The following CCDC3 variants were observed in gnomAD, a reference collection of about 807,000 sequenced individuals.
CCDC3 encodes coiled-coil domain containing 3, also known as coiled-coil domain-containing protein 3.
CCDC3 carries 24 observed loss-of-function variants against 21.4 expected under a neutral mutation model. That is an observed-to-expected ratio of 1.12 (90% CI 0.81 to 1.58). The LOEUF (loss-of-function observed/expected upper bound fraction) is 1.58, where lower values mean the gene tolerates loss of function less well. Among genes scored for constraint, CCDC3 ranks in the 40% most tolerant of loss-of-function variants. The pLI is 0.00. For synonymous variants in CCDC3, 186 were observed against 166.0 expected (o/e 1.12, Z -0.93); for missense variants, 425 against 360.9 (o/e 1.18, Z -1.44).
intron 5 of CCDC3, among the ~76,000 whole-genome samples, chr10:13,019,655 A>G (rs1463423212): frequency 2.0e-5 from 3 of 152,180 alleles, no homozygotes; most frequent in African/African-American, 7.2e-5. Flanking sequence ...ACCCCACATG[A>G]CTCATGATAA....
At chr10:13,080,502 T>C (rs1837025570) in intron 3 of CCDC3, among the ~76,000 whole-genome samples, 3 of 152,184 alleles carry the variant, frequency 2.0e-5, no homozygotes, top group Admixed American at 1.3e-4. Flanking sequence ...AATATACTTT[T>C]AGTAAAAGGA....
chr10:12,987,472 T>C lies in CCDC3; in HGVS notation c.549+10866A>G, dbSNP rs1472025873. 2.6e-5 allele frequency among the ~76,000 whole-genome samples: 4 copies of C among 152,316 alleles called. No individual in the cohort carries two copies. The East Asian group carries it at 5.8e-4, about 22-fold the overall frequency. Reference sequence around the variant, plus strand: ...TTTTTTTAAATTATCATTACAGTGATATGGATAAACCACAGTAGGTATATT... The same window carrying C: ...TTTTTTTAAATTATCATTACAGTGACATGGATAAACCACAGTAGGTATATT... On this transcript the variant is annotated intron_variant, in intron 2 of 2. Transcript: ENST00000378825.
chr10:13,061,657 A>G (rs694634), intron 4 of CCDC3, among the ~76,000 whole-genome samples: 86,881 of 152,022 alleles, frequency 0.57, 25,461 homozygotes, highest in African/African-American at 0.7. Flanking sequence ...GGGACAATTC[A>G]AAAGGAATGG....
At chr10:12,903,242 T>C (rs1834120780) in intron 2 of CCDC3, among the ~76,000 whole-genome samples, 1 of 152,208 alleles carries the variant, frequency 6.6e-6, no homozygotes, top group Non-Finnish European at 1.5e-5. Flanking sequence ...AAGCCACTGC[T>C]GATGGAGCCG....
At chr10:13,024,226 G>GT (rs201930276) in intron 5 of CCDC3, among the ~76,000 whole-genome samples, 10,691 of 147,966 alleles carry the variant, frequency 0.072, 389 homozygotes, top group Middle Eastern at 0.11. Context: ...TCTTTCCTTA[G>GT]TTTTTTTTTT....
chr10:12,956,554 C>G (rs1266986233), intron 2 of CCDC3, among the ~76,000 whole-genome samples: 2 of 152,170 alleles, frequency 1.3e-5, no homozygotes, highest in Non-Finnish European at 2.9e-5. Flanking sequence ...TGAGTCTAGA[C>G]TATATGATAA....
At chr10:13,025,541 T>C (rs555759135) in intron 5 of CCDC3, among the ~76,000 whole-genome samples, 8 of 152,350 alleles carry the variant, frequency 5.3e-5, no homozygotes, top group African/African-American at 1.4e-4. Flanking sequence ...TATAAAAGAA[T>C]CTTGTTAAAT....
chr10:12,963,479 A>G (rs1488693889), intron 2 of CCDC3, among the ~76,000 whole-genome samples: 7 of 151,754 alleles, frequency 4.6e-5, no homozygotes, highest in Non-Finnish European at 8.8e-5. Flanking sequence ...ACATTAAATC[A>G]TATGTTCTAT....
intron 2 of CCDC3, among the ~76,000 whole-genome samples, chr10:12,907,436 G>A (rs1388134973): frequency 1.3e-5 from 2 of 152,148 alleles, no homozygotes; most frequent in East Asian, 3.9e-4. Context: ...CTTGAGGTCA[G>A]GAGTTTGAGA....
chr10:12,937,710 A>G (rs919296988), intron 2 of CCDC3, among the ~76,000 whole-genome samples: 5 of 152,238 alleles, frequency 3.3e-5, no homozygotes, highest in African/African-American at 4.8e-5. Context: ...TGTGTGACTC[A>G]GAATAAGCTC....
At chr10:13,005,312 G>A (rs545210765), upstream of CCDC3, among the ~76,000 whole-genome samples, 3 of 152,336 alleles carry the variant, frequency 2.0e-5, no homozygotes, top group Non-Finnish European at 2.9e-5. Flanking sequence ...GAGTGGAAGA[G>A]GCAACGTACC....
chr10:13,096,936 G>C (rs557326012), intron 3 of CCDC3, among the ~76,000 whole-genome samples: 2 of 152,324 alleles, frequency 1.3e-5, no homozygotes, highest in African/African-American at 4.8e-5. Flanking sequence ...ATCTGGGGTA[G>C]ATCATGGATG....
chr10:12,971,681 G>A (rs573113974), intron 2 of CCDC3, among the ~76,000 whole-genome samples: 7 of 151,978 alleles, frequency 4.6e-5, no homozygotes, highest in Non-Finnish European at 8.8e-5. Flanking sequence ...CCCAAGCCCC[G>A]AAGTTTTTAT....
intron 5 of CCDC3, among the ~76,000 whole-genome samples, chr10:13,035,979 A>C (rs1383986781): frequency 6.6e-6 from 1 of 152,132 alleles, no homozygotes; most frequent in Non-Finnish European, 1.5e-5. Flanking sequence ...CCCCGTCTGT[A>C]CTAAAATACA....
At chr10:13,015,499 G>A (rs1836045101) in intron 5 of CCDC3, among the ~76,000 whole-genome samples, 2 of 152,088 alleles carry the variant, frequency 1.3e-5, no homozygotes, top group Non-Finnish European at 2.9e-5. Flanking sequence ...TTAGTGTGCT[G>A]AGGATGCCAC....
At chr10:12,971,309 A>G (rs1835339940) in intron 2 of CCDC3, among the ~76,000 whole-genome samples, 1 of 152,230 alleles carries the variant, frequency 6.6e-6, no homozygotes, top group Non-Finnish European at 1.5e-5. Flanking sequence ...TGTGGCTTCT[A>G]TCCTTTCGGA....
chr10:13,049,636 G>A (rs1031550446), intron 5 of CCDC3: 1 of 152,100 alleles, frequency 6.6e-6, no homozygotes, highest in Non-Finnish European at 1.5e-5. Context: ...CCCTTTTATG[G>A]GAAAACAAAG....
chr10:12,982,904 G>A (rs894972293), intron 2 of CCDC3, among the ~76,000 whole-genome samples: 1 of 150,346 alleles, frequency 6.7e-6, no homozygotes, highest in African/African-American at 2.4e-5. Context: ...CTTGAGATCA[G>A]GAGTTTGAGA....
At chr10:13,032,652 G>A (rs1241526829) in intron 5 of CCDC3, among the ~76,000 whole-genome samples, 3 of 152,104 alleles carry the variant, frequency 2.0e-5, no homozygotes, top group Non-Finnish European at 4.4e-5. Flanking sequence ...GTCTCAAGAT[G>A]CAAGATCAAT....
Sources: gnomAD v4.1 joint callset for allele counts (sites outside exome capture counted in the v4.1 genomes callset) on GRCh38, gnomAD v4.1.1 for gene constraint, MANE v1.5 for transcripts, NCBI Gene and HGNC (gene_info 2026-07-23, HGNC 2026-07-21) for gene names.